DPYD: variants seen among roughly 807,000 people sequenced by gnomAD.
The protein encoded by DPYD is dihydropyrimidine dehydrogenase [NADP(+)].
DPYD carries 109 observed loss-of-function variants against 116.2 expected under a neutral mutation model. The ratio of observed to expected loss-of-function variants is 0.94; its 90% CI spans 0.80 to 1.10. The LOEUF is 1.10. Among genes scored for constraint, DPYD ranks in the 50% least tolerant of loss-of-function variants. DPYD has a pLI of 0.00. For synonymous variants in DPYD, 440 were observed against 432.0 expected (o/e 1.02, Z -0.23); for missense variants, 1,302 against 1,254.5 (o/e 1.04, Z -0.57).
At chr1:97,792,694 G>A (rs1048743317) in intron 3 of DPYD, among the ~76,000 whole-genome samples, 2 of 152,096 alleles carry the variant, frequency 1.3e-5, no homozygotes, top group African/African-American at 2.4e-5. Flanking sequence ...ACATCAAAAC[G>A]CCCATAAAAT....
chr1:97,677,449 A>ATGTG (rs1160561620), intron 8 of DPYD, among the ~76,000 whole-genome samples: 1 of 152,298 alleles, frequency 6.6e-6, no homozygotes, highest in East Asian at 1.9e-4. Context: ...ATTTTTGATC[A>ATGTG]TGTGTTTATT....
chr1:97,308,363 A>G (rs1245137156), intron 16 of DPYD: 1 of 151,674 alleles, frequency 6.6e-6, no homozygotes, highest in Admixed American at 6.6e-5. Context: ...CGGTGTTCAC[A>G]TATATTTTTC....
intron 19 of DPYD, among the ~76,000 whole-genome samples, chr1:97,193,871 T>G (rs896504695): frequency 6.6e-6 from 1 of 152,182 alleles, no homozygotes; most frequent in African/African-American, 2.4e-5. Context: ...GCCTTTCTTT[T>G]CCACACATGG....
At chr1:97,148,922 C>A (rs1477440723) in intron 20 of DPYD, among the ~76,000 whole-genome samples, 2 of 152,092 alleles carry the variant, frequency 1.3e-5, no homozygotes, top group Admixed American at 6.5e-5. Flanking sequence ...ATAGAAAATA[C>A]CTGCATCACT....
At chr1:97,515,168 A>G (rs1328668554) in intron 13 of DPYD, among the ~76,000 whole-genome samples, 1 of 151,926 alleles carries the variant, frequency 6.6e-6, no homozygotes, top group Non-Finnish European at 1.5e-5. Flanking sequence ...TAAAGACTCA[A>G]TCTCAACTTT....
At position 97,780,813 on chromosome 1, in the gene DPYD, G is replaced by A. The variant is rs147526427; in HGVS notation, c.234-40334C>T. On this transcript the variant is annotated intron_variant, in intron 3 of 22. Transcript: ENST00000370192. The stretch of plus-strand genomic sequence containing the variant: ...GGTGTTCACCACTAAAAATTTGGTC[G>A]CTCAATTTGCAGAGTAATTTCACTG... Among the ~76,000 whole-genome samples the A allele has an allele frequency of 5.4e-3, 815 of 152,204 alleles. 8 individuals carry two copies. The highest frequency in any genetic ancestry group is 0.017 in the African/African-American group (702 of 41,522).
chr1:97,660,403 C>T (rs1395948288), intron 8 of DPYD, among the ~76,000 whole-genome samples: 1 of 152,016 alleles, frequency 6.6e-6, no homozygotes, highest in Non-Finnish European at 1.5e-5. Flanking sequence ...GGTATCATCC[C>T]TAGTTGTTCC....
chr1:97,505,406 TC>T (rs1463961596), intron 13 of DPYD, among the ~76,000 whole-genome samples: 4 of 151,562 alleles, frequency 2.6e-5, no homozygotes, highest in African/African-American at 9.7e-5. Context: ...CCGTGTGCTA[TC>T]CCTTCTCCCT....
intron 20 of DPYD, among the ~76,000 whole-genome samples, chr1:97,157,721 T>G (rs1357539460): frequency 6.6e-6 from 1 of 152,156 alleles, no homozygotes; most frequent in Non-Finnish European, 1.5e-5. Context: ...AATATTTCAA[T>G]TTCTGTGGAA....
intron 20 of DPYD, among the ~76,000 whole-genome samples, chr1:97,162,026 A>G (rs1655948217): frequency 6.6e-6 from 1 of 151,926 alleles, no homozygotes; most frequent in Admixed American, 6.6e-5. Flanking sequence ...GAGCCGCAAT[A>G]AACATACGTG....
chr1:97,751,371 C>T (rs1162451823), intron 3 of DPYD, among the ~76,000 whole-genome samples: 1 of 141,002 alleles, frequency 7.1e-6, no homozygotes, highest in African/African-American at 2.6e-5. Flanking sequence ...TAAACACACA[C>T]ATATATATAC....
chr1:97,759,687 T>C (rs1351391677), intron 3 of DPYD, among the ~76,000 whole-genome samples: 2 of 152,190 alleles, frequency 1.3e-5, no homozygotes, highest in East Asian at 3.8e-4. Context: ...TTCTACAATC[T>C]TTTATGTATT....
chr1:97,685,159 C>T (rs1660649027), intron 7 of DPYD, among the ~76,000 whole-genome samples: 1 of 152,134 alleles, frequency 6.6e-6, no homozygotes, highest in Non-Finnish European at 1.5e-5. Flanking sequence ...ATCAAGTTGG[C>T]TTCATCCCTA....
intron 3 of DPYD, among the ~76,000 whole-genome samples, chr1:97,800,312 T>G (rs551948037): frequency 7.2e-5 from 11 of 151,926 alleles, no homozygotes; most frequent in Non-Finnish European, 1.5e-4. Context: ...AATTCTATTT[T>G]TCATCACTTC....
intron 14 of DPYD, among the ~76,000 whole-genome samples, chr1:97,433,596 C>T (rs1025901577): frequency 3.3e-5 from 5 of 152,052 alleles, no homozygotes; most frequent in Non-Finnish European, 7.4e-5. Flanking sequence ...GAGTAATAAT[C>T]TCTTATAGCT....
intron 13 of DPYD, among the ~76,000 whole-genome samples, chr1:97,456,824 ATAAT>A (rs1209990527): frequency 2.0e-5 from 3 of 152,136 alleles, no homozygotes; most frequent in African/African-American, 7.2e-5. Context: ...GACAGGCAAA[ATAAT>A]TATCATTTAG....
intron 20 of DPYD, among the ~76,000 whole-genome samples, chr1:97,181,903 C>G (rs751752278): frequency 2.0e-5 from 3 of 152,130 alleles, no homozygotes; most frequent in Non-Finnish European, 4.4e-5. Context: ...TCACAGAAGA[C>G]TTCTGTGTAC....
intron 7 of DPYD, among the ~76,000 whole-genome samples, chr1:97,686,143 T>C (rs1660714162): frequency 6.6e-6 from 1 of 151,906 alleles, no homozygotes; most frequent in South Asian, 2.1e-4. Flanking sequence ...CATAGACCAA[T>C]GGAACAGAAC....
At chr1:97,453,859 A>T (rs1301682968) in intron 13 of DPYD, among the ~76,000 whole-genome samples, 2 of 152,074 alleles carry the variant, frequency 1.3e-5, no homozygotes, top group South Asian at 2.1e-4. Flanking sequence ...GTACAAACCA[A>T]ATCAAAGGAA....
Sources: gnomAD v4.1 joint callset for allele counts (sites outside exome capture counted in the v4.1 genomes callset) on GRCh38, gnomAD v4.1.1 for gene constraint, MANE v1.5 for transcripts, NCBI Gene and HGNC (gene_info 2026-07-23, HGNC 2026-07-21) for gene names.